The following NMRAL1 variants were observed in gnomAD, a reference collection of about 807,000 sequenced individuals.
NMRAL1 encodes the protein NmrA like redox sensor 1.
In NMRAL1, 32 loss-of-function variants were observed where a neutral mutation model predicts 27.5. That is an observed-to-expected ratio of 1.16 (90% CI 0.88 to 1.56). The LOEUF (loss-of-function observed/expected upper bound fraction) is 1.56, where lower values mean the gene tolerates loss of function less well. Ranked by LOEUF, NMRAL1 falls within the 40% of genes most tolerant of loss-of-function variation. The pLI is 0.00. For synonymous variants in NMRAL1, 166 were observed against 166.8 expected (o/e 1.00, Z 0.04); for missense variants, 420 against 392.0 (o/e 1.07, Z -0.60).
At chr16:4,463,538 A>G (rs2057191386) in intron 5 of NMRAL1, 122 bp downstream of exon 5, 2 of 761,760 alleles carry the variant, frequency 2.6e-6, no homozygotes, top group Non-Finnish European at 4.1e-6. Flanking sequence ...ATAAACGTTG[A>G]CGATGAACGA....
At chr16:4,470,018 C>T (rs939472514) in intron 2 of NMRAL1, among the ~76,000 whole-genome samples, 2 of 148,900 alleles carry the variant, frequency 1.3e-5, no homozygotes, top group Non-Finnish European at 3.0e-5. Context: ...CAAACTTAGC[C>T]GGGCGTGGTG....
chr16:4,470,161 CAAAAAAAAAAAA>C (rs34104543), intron 2 of NMRAL1, among the ~76,000 whole-genome samples: 20 of 51,492 alleles, frequency 3.9e-4, no homozygotes, highest in African/African-American at 8.0e-4. Context: ...GATTCCCTCT[CAAAAAAAAAAAA>C]AAAAAAAAAA....
At chr16:4,465,702 C>G (rs538485040) in intron 4 of NMRAL1, among the ~76,000 whole-genome samples, 5 of 151,944 alleles carry the variant, frequency 3.3e-5, no homozygotes. Flanking sequence ...TAGTAGCTGC[C>G]AGTACAGGTG....
intron 4 of NMRAL1, among the ~76,000 whole-genome samples, chr16:4,464,461 C>A (rs529140319): frequency 1.3e-5 from 2 of 152,238 alleles, no homozygotes; most frequent in South Asian, 4.1e-4. Flanking sequence ...GATGGGGAGG[C>A]TGGCAACTGT....
At chr16:4,463,919 C>T in intron 4 of NMRAL1, 69 bp from the exon 5 acceptor site, 1 of 1,355,094 alleles carries the variant, frequency 7.4e-7, no homozygotes, top group Admixed American at 1.9e-5. Context: ...AGCCCCTCTC[C>T]AAAGGGTCCA....
At chr16:4,467,509 C>T (rs558960510) in intron 3 of NMRAL1, among the ~76,000 whole-genome samples, 2 of 152,078 alleles carry the variant, frequency 1.3e-5, no homozygotes, top group Non-Finnish European at 2.9e-5. Context: ...GCTGGGATTA[C>T]AAGCATAAAC....
At position 4,461,740 on chromosome 16, in the gene NMRAL1, G is replaced by A. The variant is rs765784562; in HGVS notation, c.*40C>T. ...CAGATGTTGGTGCCTCTGCCCCTCT[G>A]GTGCCCCCGATCCCCACAAGGGGCC... On this transcript the variant is annotated 3_prime_UTR_variant, in exon 6 of 6. Transcript: ENST00000283429. 6.4e-7 allele frequency: 1 copy of A among 1,550,694 alleles called. No individual in the cohort carries two copies.
chr16:4,463,725 G>A lies in NMRAL1; in HGVS notation c.655C>T (p.His219Tyr), dbSNP rs772951516. The A allele has an allele frequency of 1.2e-6, 2 of 1,613,958 alleles. No individual in the cohort carries two copies. The highest frequency in any genetic ancestry group is 4.5e-5 in the East Asian group (2 of 44,900). ...GQNIGLSTCRHTAEEYAALLT... is the reference protein window; with the variant it reads ...GQNIGLSTCRYTAEEYAALLT... ...AGGGCAGCGTACTCCTCGGCCGTGTGCCTGCAAGTGCTCAGCCCGATGTTC... is the reference window on the plus strand; with the variant it reads ...AGGGCAGCGTACTCCTCGGCCGTGTACCTGCAAGTGCTCAGCCCGATGTTC... Residue 219 changes from histidine to tyrosine, a missense_variant, in exon 5 of 6, where the codon CAC becomes TAC. Transcript: ENST00000283429.
intron 4 of NMRAL1, among the ~76,000 whole-genome samples, chr16:4,464,914 C>A (rs994586239): frequency 6.8e-6 from 1 of 146,426 alleles, no homozygotes; most frequent in Non-Finnish European, 1.5e-5. Flanking sequence ...CCGTGCCCGG[C>A]CTTTTTTTTT....
rs2057310064 is a variant in NMRAL1, at chr16:4,466,046, GC to G, written c.529+106del. The G allele has an allele frequency of 2.9e-6, 4 of 1,391,808 alleles. No individual in the cohort carries two copies. The African/African-American group carries it at 4.2e-5, about 15-fold the overall frequency. The allele number at this position is 1,391,808 out of a possible 1,614,324, so 86.2% of individuals were successfully genotyped here. A position where few individuals can be genotyped will look rare whatever the true frequency, so the allele number is the denominator to read the frequency against. ...TCAGTCCTGGGCCTAACGTGAGGGA[GC>G]CACGGCTTGAACCTGGCACCACGTG... On this transcript the variant is annotated intron_variant, in intron 4 of 5. Coordinates refer to ENST00000283429, the MANE Select transcript of NMRAL1 (RefSeq NM_020677.6).
rs1386042961 is a variant in NMRAL1 at position 4,470,903 on chromosome 16, C to T, written c.41-1438G>A. Among the ~76,000 whole-genome samples the T allele has an allele frequency of 3.3e-5, 5 of 150,398 alleles. No homozygotes were observed. The South Asian group carries it at 6.3e-4, about 19-fold the overall frequency. ...TGGAGCTTGCAGTGAGCCGAGATCG[C>T]GCCACTGCACTCCAGCCTGGACGAC... is the stretch of plus-strand genomic sequence containing the variant. On this transcript the variant is annotated intron_variant, in intron 2 of 5. Transcript: ENST00000283429.
chr16:4,473,809 C>A (rs1052820216), intron 2 of NMRAL1, among the ~76,000 whole-genome samples: 1 of 152,034 alleles, frequency 6.6e-6, no homozygotes, highest in African/African-American at 2.4e-5. Context: ...CCTTGTAATC[C>A]CAGCTACTCG....
rs376569795 is a variant in NMRAL1, at chr16:4,469,342, A to G, written c.164T>C (p.Val55Ala). Residue 55 changes from valine (V) to alanine (A), a missense_variant, in exon 3 of 6, where the codon GTG (valine) becomes GCG (alanine). Val to Ala is a moderately conservative substitution (Grantham distance 64, BLOSUM62 0). Transcript: ENST00000283429. The stretch of plus-strand genomic sequence containing the variant: ...GACCTGGTCATCTTGGTCTCCCTGC[A>G]CTACTTCTGCACCTTGCAGCCTCAG... ...KELRLQGAEV[V>A]QGDQDDQVIM... is the part of the protein sequence containing the mutation. The G allele has an allele frequency of 9.9e-6, 16 of 1,614,020 alleles. No individual in the cohort carries two copies. In the Admixed American group the frequency reaches 1.2e-4, roughly 12 times the overall value.
At chr16:4,463,622 G>T in intron 5 of NMRAL1, 38 bp downstream of exon 5, 3 of 1,604,844 alleles carry the variant, frequency 1.9e-6, no homozygotes, top group Non-Finnish European at 1.7e-6. Context: ...AGAAAGCCCT[G>T]ACAAGGATGC....
intron 4 of NMRAL1, among the ~76,000 whole-genome samples, chr16:4,465,137 C>T (rs1265366652): frequency 6.7e-6 from 1 of 150,298 alleles, no homozygotes; most frequent in Non-Finnish European, 1.5e-5. Flanking sequence ...TGGTCTCAAA[C>T]TCCTGAACTG....
Position 4,462,053 on chromosome 16 carries a change from G to C in NMRAL1, c.721-94C>G, listed in dbSNP as rs1596378534. 3.0e-6 allele frequency: 3 copies of C among 991,388 alleles called. No homozygotes were observed. The East Asian group carries it at 7.3e-5, about 24-fold the overall frequency. The allele number at this position is 991,388 out of a possible 1,614,324, so 61.4% of individuals were successfully genotyped here. A position where few individuals can be genotyped will look rare whatever the true frequency, so the allele number is the denominator to read the frequency against. ...CGGATGGGCTGGGGTCTCCCGACCT[G>C]CTACACCCAGAGCCACTATTGTCTC... is the stretch of plus-strand genomic sequence containing the variant. On this transcript the variant is annotated intron_variant, in intron 5 of 5. Transcript: ENST00000283429.
Position 4,474,535 on chromosome 16 carries a change from C to A in NMRAL1, c.-35+19G>T, listed in dbSNP as rs2057754156. ...CTGCGCGCTAGGCGCCAACTCCCTC[C>A]CCGCAGCTCCGGCCCCACCTGGCAG... On this transcript the variant is annotated intron_variant, in intron 1 of 5. Transcript: ENST00000283429. 6.0e-6 allele frequency: 1 copy of A among 168,048 alleles called. No homozygotes were observed. The highest frequency in any genetic ancestry group is 1.3e-5 in the Non-Finnish European group (1 of 77,832). The allele number at this position is 168,048 out of a possible 1,614,324, so 10.4% of individuals were successfully genotyped here.
rs189923187 is a variant in NMRAL1 at position 4,465,669 on chromosome 16, C to T, written c.529+484G>A. 7.9e-4 allele frequency among the ~76,000 whole-genome samples: 121 copies of T among 152,236 alleles called. 1 individual carries two copies. The highest frequency in any genetic ancestry group is 7.7e-4 in the East Asian group (4 of 5,174). On this transcript the variant is annotated intron_variant, in intron 4 of 5. Transcript: ENST00000283429. The stretch of plus-strand genomic sequence containing the variant: ...GCAACCTCCACCTCCTGGGTTCAAG[C>T]GATTCCCCTGCCTCAGCCTCCCTAG...
At chr16:4,466,960 C>T (rs2057354810) in intron 3 of NMRAL1, 1 of 156,000 alleles carries the variant, frequency 6.4e-6, no homozygotes, top group African/African-American at 2.4e-5. Context: ...GCCGCATCCT[C>T]ATTCCTGAAA....
Sources: gnomAD v4.1 joint callset for allele counts (sites outside exome capture counted in the v4.1 genomes callset) on GRCh38, gnomAD v4.1.1 for gene constraint, MANE v1.5 for transcripts, NCBI Gene and HGNC (gene_info 2026-07-23, HGNC 2026-07-21) for gene names.